Variants in CD101 observed in about 807,000 individuals in gnomAD.
CD101 encodes the protein immunoglobulin superfamily member 2.
CD101 carries 76 observed loss-of-function variants against 98.2 expected under a neutral mutation model. The observed-to-expected ratio is 0.77, with a 90% CI of 0.64 to 0.94. The LOEUF (loss-of-function observed/expected upper bound fraction) is 0.94, where lower values mean the gene tolerates loss of function less well. Among genes scored for constraint, CD101 ranks in the 40% least tolerant of loss-of-function variants. The pLI is 0.00. For synonymous variants in CD101, 471 were observed against 472.7 expected (o/e 1.00, Z 0.05); for missense variants, 1,145 against 1,218.8 (o/e 0.94, Z 0.90).
intron 1 of CD101, 146 bp from the exon 2 acceptor site, chr1:117,009,704 A>G (rs773740504): frequency 2.7e-6 from 2 of 752,726 alleles, no homozygotes; most frequent in Non-Finnish European, 4.2e-6. Context: ...CAGCCTGAAG[A>G]AGATGTTGAA....
At chr1:117,028,624 G>C (rs571261102) in intron 8 of CD101, among the ~76,000 whole-genome samples, 2 of 152,316 alleles carry the variant, frequency 1.3e-5, no homozygotes, top group Admixed American at 1.3e-4. Context: ...GAGAGCCTGT[G>C]AAGGAGACTG....
At chr1:117,017,923 G>A (rs1486432440) in intron 5 of CD101, among the ~76,000 whole-genome samples, 1 of 152,142 alleles carries the variant, frequency 6.6e-6, no homozygotes, top group African/African-American at 2.4e-5. Context: ...GAGAAACACT[G>A]CCTATTTGTT....
At chr1:117,016,115 C>G (rs1653200168) in intron 4 of CD101, among the ~76,000 whole-genome samples, 2 of 151,126 alleles carry the variant, frequency 1.3e-5, no homozygotes, top group South Asian at 4.2e-4. Flanking sequence ...CTGTTTACAA[C>G]AACGTGTGTT....
intron 8 of CD101, among the ~76,000 whole-genome samples, chr1:117,028,708 CAA>C (rs929708891): frequency 1.5e-4 from 23 of 152,192 alleles, no homozygotes; most frequent in Admixed American, 2.6e-4. Flanking sequence ...GAGAGGGCAT[CAA>C]GAGGGTGAGG....
rs1290383103 is a variant in CD101 at position 117,021,967 on chromosome 1, G to A, written c.2412G>A (p.Leu804=). The change falls in exon 7 of 10, where the codon TTG becomes TTA. Residue 804 remains leucine (L), a synonymous_variant. Coordinates refer to ENST00000682167, the MANE Select transcript of CD101 (RefSeq NM_001256106.3). The surrounding 1 kb of genome is among the most constrained non-coding windows in gnomAD (Gnocchi z 4.7). ...LGEKKSGLTE[L]KLKPTGSKVR... ...AAAAGAAGTCAGGACTAACAGAATT[G>A]AAACTCAAGCCCACAGGTAAACCTT... 1 of 1,607,056 alleles carries A rather than the reference G, an allele frequency of 6.2e-7. No individual in the cohort carries two copies. The highest frequency in any genetic ancestry group is 1.1e-5 in the South Asian group (1 of 89,646).
intron 1 of CD101, among the ~76,000 whole-genome samples, chr1:117,003,387 G>C (rs1021965657): frequency 3.3e-5 from 5 of 152,336 alleles, no homozygotes; most frequent in Admixed American, 6.5e-5. Flanking sequence ...TTAAGAGTCA[G>C]ACCTAGGGCC....
chr1:117,027,395 A>T (rs984836860), intron 8 of CD101, among the ~76,000 whole-genome samples: 2 of 152,232 alleles, frequency 1.3e-5, no homozygotes, highest in Admixed American at 1.3e-4. Context: ...AAGTATTTCC[A>T]GTAGACTAGG....
rs184452231 is a variant in CD101 at position 117,012,890 on chromosome 1, A to G, written c.842-516A>G. Among the ~76,000 whole-genome samples the G allele has an allele frequency of 1.3e-5, 2 of 152,288 alleles. No individual in the cohort carries two copies. The highest frequency in any genetic ancestry group is 3.9e-4 in the East Asian group (2 of 5,180). ...CATTAAAGTTTTTTCTTTATTAAAAACAGTATTATTGTGTTCCACTAAAAA... is the reference window on the plus strand; with the variant it reads ...CATTAAAGTTTTTTCTTTATTAAAAGCAGTATTATTGTGTTCCACTAAAAA... On this transcript the variant is annotated intron_variant, in intron 3 of 9. Coordinates refer to ENST00000682167, the MANE Select transcript of CD101 (RefSeq NM_001256106.3). This position sits in a 1 kb window ranked among gnomAD's most constrained non-coding sequence, Gnocchi z 4.0.
rs890053434 is a variant in CD101 at position 117,023,785 on chromosome 1, C to T, written c.2429-1724C>T. On this transcript the variant is annotated intron_variant, in intron 7 of 9. Transcript: ENST00000682167. This position sits in a 1 kb window ranked among gnomAD's most constrained non-coding sequence, Gnocchi z 4.4. ...TGGGCTTGGTGTGGCTGTGGACTTCCGGTTGTGCACGTCATTTAGGGAACA... is the reference window on the plus strand; with the variant it reads ...TGGGCTTGGTGTGGCTGTGGACTTCTGGTTGTGCACGTCATTTAGGGAACA... 2.0e-5 allele frequency among the ~76,000 whole-genome samples: 3 copies of T among 151,974 alleles called. No individual in the cohort carries two copies. Among genetic ancestry groups the T allele is most frequent in the South Asian group, 2.1e-4 (1 of 4,810 alleles).
intron 8 of CD101, among the ~76,000 whole-genome samples, chr1:117,027,954 C>G (rs1654062859): frequency 1.3e-5 from 2 of 151,958 alleles, no homozygotes; most frequent in Middle Eastern, 6.8e-3. Flanking sequence ...GCATGGTGGC[C>G]CATGCCTGTA....
rs1481876096 is a variant in CD101 at position 117,018,973 on chromosome 1, G to A, written c.2017+413G>A. On this transcript the variant is annotated intron_variant, in intron 6 of 9. Coordinates refer to ENST00000682167, the MANE Select transcript of CD101 (RefSeq NM_001256106.3). This position sits in a 1 kb window ranked among gnomAD's most constrained non-coding sequence, Gnocchi z 4.3. ...TGTCTCTGCTAGTGGTAGGGATAAG[G>A]TAAATTCCACTGGAATACATCCACC... Among the ~76,000 whole-genome samples the A allele has an allele frequency of 6.6e-6, 1 of 152,204 alleles. No homozygotes were observed. Among genetic ancestry groups the A allele is most frequent in the Non-Finnish European group, 1.5e-5 (1 of 68,042 alleles).
In CD101 at chr1:117,017,327, T is replaced by C; in HGVS notation, c.1466T>C (p.Met489Thr). 3 of 1,614,122 alleles carry C rather than the reference T, an allele frequency of 1.9e-6. No individual in the cohort carries two copies. The highest frequency in any genetic ancestry group is 2.2e-5 in the South Asian group (2 of 91,086). Residue 489 changes from methionine (M) to threonine (T), a missense_variant, in exon 5 of 10, where the codon ATG becomes ACG. Physicochemically the swap from Met to Thr is moderately conservative, Grantham distance 81. Coordinates refer to ENST00000682167, the MANE Select transcript of CD101 (RefSeq NM_001256106.3). ...SYHGNTRLEK[M>T]DWATFQLEIT... ...CATGGCAACACAAGGCTGGAGAAAA[T>C]GGACTGGGCCACCTTCCAGCTGGAG...
Position 117,012,637 on chromosome 1 carries a change from G to A in CD101, c.841+671G>A, listed in dbSNP as rs1051321244. ...TCCCCAGGCTGGCCTTGAACTCCGG[G>A]GCTCAAGCAATCCTCCTGCCTTGGC... is the stretch of plus-strand genomic sequence containing the variant. On this transcript the variant is annotated intron_variant, in intron 3 of 9. Transcript: ENST00000682167. The surrounding 1 kb of genome is among the most constrained non-coding windows in gnomAD (Gnocchi z 4.0). 6.6e-6 allele frequency among the ~76,000 whole-genome samples: 1 copy of A among 152,086 alleles called. No individual in the cohort carries two copies. Among genetic ancestry groups the A allele is most frequent in the South Asian group, 2.1e-4 (1 of 4,828 alleles).
intron 8 of CD101, chr1:117,026,920 C>G (rs1653973904): frequency 1.3e-5 from 2 of 152,114 alleles, no homozygotes. Flanking sequence ...CTTCTGGGCT[C>G]CTCCACCTGG....
Position 117,017,227 on chromosome 1 carries a change from C to T in CD101, c.1366C>T (p.Gln456Ter), listed in dbSNP as rs1379412662. 1.2e-6 allele frequency: 2 copies of T among 1,614,126 alleles called. No individual in the cohort carries two copies. Among genetic ancestry groups the T allele is most frequent in the Non-Finnish European group, 1.7e-6 (2 of 1,180,054 alleles). The change falls in exon 5 of 10, where the codon CAG (glutamine) becomes TAG (stop). Residue 456 changes from glutamine (Q) to a stop codon, truncating the protein, a stop_gained. Transcript: ENST00000682167. LOFTEE classifies it high-confidence loss of function. The part of the protein sequence containing the change: ...SWWHIPRDQT[Q>*]PEFVAGMGQD... ...GTGGCACATCCCACGGGACCAGACA[C>T]AGCCCGAGTTTGTGGCTGGCATGGG...
At chr1:117,035,549 C>CTT (rs11337228) in intron 9 of CD101, among the ~76,000 whole-genome samples, 18 of 136,656 alleles carry the variant, frequency 1.3e-4, no homozygotes, top group Admixed American at 1.5e-4. Context: ...GAAATGAAGA[C>CTT]TTTTTTTTTT....
rs534364524 is a variant in CD101 at position 117,013,514 on chromosome 1, G to A, written c.950G>A (p.Gly317Asp). The A allele has an allele frequency of 7.4e-6, 12 of 1,614,188 alleles. No individual in the cohort carries two copies. The African/African-American group carries it at 1.5e-4, about 20-fold the overall frequency. Residue 317 changes from glycine to aspartate, a missense_variant, in exon 4 of 10, where the codon GGC becomes GAC. Gly to Asp is a moderately conservative substitution (Grantham distance 94). Coordinates refer to ENST00000682167, the MANE Select transcript of CD101 (RefSeq NM_001256106.3). ...AGTGGCCGTGACCCACAGCTTCAAG[G>A]CATTTGGTTCTTCAATGGGACTGAA... ...VSSGRDPQLQ[G>D]IWFFNGTEIA...
chr1:117,014,228 T>TGTGTGTGTGTGTGA (rs35135251), intron 4 of CD101, among the ~76,000 whole-genome samples: 47 of 140,926 alleles, frequency 3.3e-4, no homozygotes, highest in South Asian at 7.0e-4. Context: ...TGTGTGTGTG[T>TGTGTGTGTGTGTGA]GATATGAATA....
intron 1 of CD101, among the ~76,000 whole-genome samples, chr1:117,003,760 G>T (rs1423483604): frequency 6.6e-6 from 1 of 152,116 alleles, no homozygotes; most frequent in African/African-American, 2.4e-5. Context: ...CCTAAACTGG[G>T]TTATACATTT....
Sources: gnomAD v4.1 joint callset for allele counts (sites outside exome capture counted in the v4.1 genomes callset) on GRCh38, gnomAD v4.1.1 for gene constraint, Gnocchi (gnomAD v3.1) non-coding constraint, MANE v1.5 for transcripts, NCBI Gene and HGNC (gene_info 2026-07-23, HGNC 2026-07-21) for gene names.